The following CUBN variants were observed in gnomAD, a reference collection of about 807,000 sequenced individuals.
CUBN encodes the protein cubilin.
Under a neutral mutation model 405.3 loss-of-function variants are expected in CUBN, and 282 were observed. The ratio of observed to expected loss-of-function variants is 0.70; its 90% CI spans 0.63 to 0.77. CUBN has a LOEUF of 0.77. Among genes scored for constraint, CUBN ranks in the 30% least tolerant of loss-of-function variants. The pLI, the probability that CUBN is intolerant of heterozygous loss-of-function variation, is 0.00. For synonymous variants in CUBN, 1,684 were observed against 1,617.0 expected, an observed-to-expected ratio of 1.04 and a Z score of -0.99; for missense variants, 4,514 against 4,475.2, an observed-to-expected ratio of 1.01 and a Z score of -0.25.
chr10:17,117,315 A>C (rs1299653853), intron 6 of CUBN, among the ~76,000 whole-genome samples: 1 of 152,180 alleles, frequency 6.6e-6, no homozygotes, highest in African/African-American at 2.4e-5. Flanking sequence ...TTCATTACTA[A>C]AAGTTTACTT....
At chr10:16,946,585 T>C (rs2131618267) in intron 36 of CUBN, among the ~76,000 whole-genome samples, 1 of 140,118 alleles carries the variant, frequency 7.1e-6, no homozygotes, top group East Asian at 2.4e-4. Context: ...AACCTCCACC[T>C]CCCAGGTTCA....
intron 7 of CUBN, among the ~76,000 whole-genome samples, chr10:17,115,243 C>A (rs1378990898): frequency 2.8e-4 from 34 of 122,254 alleles, no homozygotes; most frequent in South Asian, 8.3e-4. Context: ...GGCTCCATCT[C>A]AAAAAAAAAA....
At position 17,103,162 on chromosome 10, in the gene CUBN, AC is replaced by A; in HGVS notation, c.1492del (p.Val498LeufsTer24). 1 of 1,613,790 alleles carries A rather than the reference AC, an allele frequency of 6.2e-7. No homozygotes were observed. The highest frequency in any genetic ancestry group is 2.2e-5 in the East Asian group (1 of 44,884). On this transcript the variant is annotated frameshift_variant, in exon 13 of 67. Coordinates refer to ENST00000377833, the MANE Select transcript of CUBN (RefSeq NM_001081.4). LOFTEE classifies it high-confidence loss of function. ...RSPDVGYVHDVNCFWVIKTEM... is the reference protein window; with the variant it reads ...RSPDVGYVHDXNCFWVIKTEM... Reference sequence around the variant, plus strand: ...AGTTTTGATAACCCAGAAGCAGTTAACATCATGAACATAACCAACATCCGGG... The same window carrying A: ...AGTTTTGATAACCCAGAAGCAGTTAAATCATGAACATAACCAACATCCGGG...
intron 60 of CUBN, among the ~76,000 whole-genome samples, chr10:16,845,591 A>T (rs1261883623): frequency 6.6e-6 from 1 of 152,242 alleles, no homozygotes; most frequent in East Asian, 1.9e-4. Context: ...GCTCTACAAG[A>T]GCAGGAGTTT....
At chr10:16,928,348 T>C in intron 40 of CUBN, 45 bp from the exon 41 acceptor site, 1 of 1,603,552 alleles carries the variant, frequency 6.2e-7, no homozygotes, top group Non-Finnish European at 8.5e-7. Context: ...ATCTTGAGAA[T>C]CTACTCTACA....
At chr10:17,098,005 C>A (rs1353405122) in intron 14 of CUBN, among the ~76,000 whole-genome samples, 1 of 152,120 alleles carries the variant, frequency 6.6e-6, no homozygotes. Context: ...GACTTCCAAA[C>A]ATAGGCTGAA....
At chr10:16,827,348 T>C (rs1024141259) in intron 66 of CUBN, among the ~76,000 whole-genome samples, 1 of 152,134 alleles carries the variant, frequency 6.6e-6, no homozygotes, top group African/African-American at 2.4e-5. Context: ...GCATGTAAAA[T>C]ATATGCAAAT....
At chr10:17,077,900 A>G (rs1835885365) in intron 17 of CUBN, among the ~76,000 whole-genome samples, 1 of 152,168 alleles carries the variant, frequency 6.6e-6, no homozygotes, top group Non-Finnish European at 1.5e-5. Context: ...AAACCTTTTC[A>G]TGCCTTGTGA....
At chr10:17,119,788 A>G (rs1252559818) in intron 6 of CUBN, among the ~76,000 whole-genome samples, 3 of 152,260 alleles carry the variant, frequency 2.0e-5, no homozygotes, top group Non-Finnish European at 4.4e-5. Flanking sequence ...CTCTGGGTCT[A>G]GACCTCAAGC....
rs1344105536 is a variant in CUBN at position 16,947,175 on chromosome 10, A to C, written c.5342+60T>G. The C allele has an allele frequency of 1.9e-6, 3 of 1,577,146 alleles. No homozygotes were observed. In the Admixed American group the frequency reaches 5.0e-5, roughly 26 times the overall value. Reference sequence around the variant, plus strand: ...ATGAGTTGCCCATCCTATTAGCACCAGAACTTCTTTCCTACAGATTCATTA... The same window carrying C: ...ATGAGTTGCCCATCCTATTAGCACCCGAACTTCTTTCCTACAGATTCATTA... On this transcript the variant is annotated intron_variant, in intron 36 of 66. Transcript: ENST00000377833.
chr10:16,839,968 A>T (rs1839291298), intron 62 of CUBN, among the ~76,000 whole-genome samples: 1 of 151,746 alleles, frequency 6.6e-6, no homozygotes, highest in Non-Finnish European at 1.5e-5. Context: ...TCGCAAGGAC[A>T]AAAAACCAAA....
chr10:17,032,507 T>C (rs1425591974), intron 27 of CUBN, among the ~76,000 whole-genome samples: 2 of 152,170 alleles, frequency 1.3e-5, no homozygotes, highest in East Asian at 3.9e-4. Context: ...TGTTCTCCTG[T>C]GAGCATACTT....
At chr10:17,126,908 G>A in intron 3 of CUBN, 109 bp from the exon 4 acceptor site, 1 of 1,101,052 alleles carries the variant, frequency 9.1e-7, no homozygotes, top group South Asian at 1.3e-5. Flanking sequence ...GACACACTTT[G>A]TTCATTCCTC....
chr10:17,106,056 G>A (rs1428886795), intron 10 of CUBN, among the ~76,000 whole-genome samples: 2 of 151,968 alleles, frequency 1.3e-5, no homozygotes, highest in Non-Finnish European at 2.9e-5. Flanking sequence ...AGGCTGAGGA[G>A]GGCAGATCAC....
At position 17,047,575 on chromosome 10, in the gene CUBN, C is replaced by T; in HGVS notation, c.3168G>A (p.Leu1056=). 1 of 1,614,012 alleles carries T rather than the reference C, an allele frequency of 6.2e-7. No homozygotes were observed. Residue 1056 remains leucine (L), a synonymous_variant, in exon 23 of 67, where the codon TTG becomes TTA. Coordinates refer to ENST00000377833, the MANE Select transcript of CUBN (RefSeq NM_001081.4). ...GGAAGTTTGGAGAAGTGAATGTCCC[C>T]AAATCATCTGTGTAGTCTTGCAAAC... ...TACLQDYTDD[L]GTFTSPNFPN... is the part of the protein sequence containing the mutation.
intron 6 of CUBN, among the ~76,000 whole-genome samples, chr10:17,120,265 T>A (rs1452334726): frequency 6.6e-6 from 1 of 152,228 alleles, no homozygotes; most frequent in African/African-American, 2.4e-5. Context: ...TAATTTAATC[T>A]TATGCTCATG....
At chr10:17,089,667 C>A (rs143239326) in intron 14 of CUBN, among the ~76,000 whole-genome samples, 41 of 152,272 alleles carry the variant, frequency 2.7e-4, no homozygotes, top group African/African-American at 9.1e-4. Flanking sequence ...GGTACGATCA[C>A]TACATAAGAG....
rs147130832 is a variant in CUBN at position 16,851,294 on chromosome 10, T to C, written c.9604A>G (p.Asn3202Asp). The change falls in exon 60 of 67, where the codon AAT becomes GAT. Residue 3202 changes from asparagine (N) to aspartate (D), a missense_variant. This residue lies in a region of CUBN where 1,186 missense variants were observed against 1,186.9 expected (regional missense o/e 1.00). Transcript: ENST00000377833. Reference protein sequence around the residue: ...PVNKVIHLTFNTFALEAASTR... With the variant: ...PVNKVIHLTFDTFALEAASTR... ...CTTGCTGCCTCCAGAGCAAATGTAT[T>C]GAAGGTGAGGTGAATTACTTTGTTT... 1 of 1,614,162 alleles carries C rather than the reference T, an allele frequency of 6.2e-7. No individual in the cohort carries two copies. The highest frequency in any genetic ancestry group is 8.5e-7 in the Non-Finnish European group (1 of 1,179,998).
chr10:16,843,428 C>T (rs1839416967), intron 60 of CUBN, among the ~76,000 whole-genome samples: 1 of 152,118 alleles, frequency 6.6e-6, no homozygotes, highest in Admixed American at 6.5e-5. Flanking sequence ...TGACTAAAAC[C>T]AGTCATTGTA....
Sources: allele counts gnomAD v4.1 joint callset (sites outside exome capture counted in the v4.1 genomes callset), GRCh38; gene constraint gnomAD v4.1.1; regional missense constraint gnomAD v4.1.1; transcripts MANE v1.5; gene names NCBI Gene and HGNC (gene_info 2026-07-23, HGNC 2026-07-21).